Variants in HK1 observed in about 807,000 individuals in gnomAD.
The protein encoded by HK1 is hexokinase 1.
A neutral mutation model predicts 91.6 loss-of-function variants in HK1; 28 were observed. The observed-to-expected ratio is 0.31, with a 90% CI of 0.23 to 0.42. The LOEUF (loss-of-function observed/expected upper bound fraction) is 0.42. Ranked by LOEUF, HK1 falls within the 10% of genes least tolerant of loss-of-function variation. HK1 has a pLI of 1.00. For synonymous variants in HK1, 430 were observed against 468.1 expected, an observed-to-expected ratio of 0.92 and a Z score of 1.05; for missense variants, 770 against 1,219.8, an observed-to-expected ratio of 0.63 and a Z score of 5.49.
At chr10:69,388,280 A>G (rs2132917688) in intron 13 of HK1, among the ~76,000 whole-genome samples, 1 of 152,222 alleles carries the variant, frequency 6.6e-6, no homozygotes, top group South Asian at 2.1e-4. Context: ...TCTCTATAAG[A>G]AATTAAAAAA....
In HK1 at chr10:69,364,646, C is replaced by T. The variant is rs1030946883; in HGVS notation, c.376-137C>T. The T allele has an allele frequency of 5.5e-6, 6 of 1,095,116 alleles. No homozygotes were observed. The African/African-American group carries it at 7.8e-5, about 14-fold the overall frequency. The allele number at this position is 1,095,116 out of a possible 1,614,324, so 67.8% of individuals were successfully genotyped here. On this transcript the variant is annotated intron_variant, in intron 3 of 17. Coordinates refer to ENST00000359426, the MANE Select transcript of HK1 (RefSeq NM_000188.3). The stretch of plus-strand genomic sequence containing the variant: ...CAGCATGGCTTTTCAGACAGGGCCA[C>T]CAGGTCCCAGGAGTACGAGCACTTT...
upstream of HK1, among the ~76,000 whole-genome samples, chr10:69,315,564 G>A (rs1050903867): frequency 5.3e-5 from 8 of 152,168 alleles, no homozygotes; most frequent in Non-Finnish European, 8.8e-5. Flanking sequence ...AACTGTCAAG[G>A]AGCCTTAGCA....
intron 1 of HK1, among the ~76,000 whole-genome samples, chr10:69,273,076 G>A (rs1844256213): frequency 6.7e-6 from 1 of 149,016 alleles, no homozygotes; most frequent in African/African-American, 2.5e-5. Context: ...TGTCAGCCAG[G>A]CTGGAGTGCA....
At chr10:69,309,426 C>T (rs1004055367) in intron 5 of HK1, among the ~76,000 whole-genome samples, 1 of 143,982 alleles carries the variant, frequency 6.9e-6, no homozygotes, top group Non-Finnish European at 1.5e-5. Flanking sequence ...TGTGATCCGC[C>T]TGCCTCGGCC....
chr10:69,292,766 C>G (rs1845356589), intron 3 of HK1, among the ~76,000 whole-genome samples: 1 of 152,150 alleles, frequency 6.6e-6, no homozygotes, highest in South Asian at 2.1e-4. Flanking sequence ...TGCAGAGATA[C>G]CTGCAGGGGT....
chr10:69,384,984 C>T, intron 12 of HK1, 69 bp downstream of exon 12: 2 of 1,539,602 alleles, frequency 1.3e-6, no homozygotes, highest in Non-Finnish European at 1.8e-6. Context: ...GTGGGCTGGC[C>T]CTTGAGGCCT....
chr10:69,351,558 A>T (rs1443940148), intron 2 of HK1, among the ~76,000 whole-genome samples: 1 of 152,168 alleles, frequency 6.6e-6, no homozygotes, highest in Non-Finnish European at 1.5e-5. Context: ...ACCCAAAGCT[A>T]TAAGGAATCA....
At chr10:69,357,443 C>T (rs765239678) in intron 2 of HK1, among the ~76,000 whole-genome samples, 5 of 151,960 alleles carry the variant, frequency 3.3e-5, no homozygotes, top group East Asian at 1.9e-4. Context: ...GGTCATATAC[C>T]GTATGATTTC....
intron 2 of HK1, among the ~76,000 whole-genome samples, chr10:69,354,374 G>A (rs867487163): frequency 3.9e-5 from 6 of 152,192 alleles, no homozygotes; most frequent in Admixed American, 2.6e-4. Context: ...GGCTGGGGAG[G>A]CCTCAGGAAA....
In HK1 at chr10:69,341,164, C is replaced by CT. The variant is rs1344980570; in HGVS notation, c.64-2660dup. The stretch of plus-strand genomic sequence containing the variant: ...AAAAAATATATATACATATTTCTTT[C>CT]TTTCTTTTTTTTTTGGAGACTGGAT... On this transcript the variant is annotated intron_variant, in intron 1 of 17. Transcript: ENST00000359426. 5.2e-3 allele frequency among the ~76,000 whole-genome samples: 784 copies of CT among 151,682 alleles called. 3 individuals carry two copies. Among genetic ancestry groups the CT allele is most frequent in the African/African-American group, 0.018 (729 of 41,264 alleles).
chr10:69,279,203 T>C (rs1844614769), intron 1 of HK1, among the ~76,000 whole-genome samples: 1 of 152,182 alleles, frequency 6.6e-6, no homozygotes, highest in Non-Finnish European at 1.5e-5. Flanking sequence ...GGTCTCTGTG[T>C]TGTATTTCTT....
intron 2 of HK1, among the ~76,000 whole-genome samples, chr10:69,356,301 G>A (rs889042139): frequency 7.9e-5 from 12 of 151,974 alleles, no homozygotes; most frequent in African/African-American, 1.2e-4. Context: ...AGGTGTGGTC[G>A]TATGCCTGTA....
chr10:69,366,949 A>G (rs1849734849), intron 4 of HK1, among the ~76,000 whole-genome samples: 1 of 152,140 alleles, frequency 6.6e-6, no homozygotes, highest in African/African-American at 2.4e-5. Flanking sequence ...GCCCTGGGAG[A>G]GAATGGCCAG....
intron 17 of HK1, among the ~76,000 whole-genome samples, chr10:69,399,698 G>A (rs1213158988): frequency 6.6e-6 from 1 of 152,134 alleles, no homozygotes; most frequent in African/African-American, 2.4e-5. Context: ...TGCACTTGCT[G>A]TGTGATTGTG....
chr10:69,399,433 G>A (rs1285311308), intron 17 of HK1, among the ~76,000 whole-genome samples: 3 of 152,100 alleles, frequency 2.0e-5, no homozygotes, highest in Non-Finnish European at 2.9e-5. Context: ...GATTGCTTGA[G>A]CCTGGGAGGT....
At chr10:69,361,826 C>CT (rs1026023031) in intron 3 of HK1, among the ~76,000 whole-genome samples, 3 of 151,710 alleles carry the variant, frequency 2.0e-5, no homozygotes, top group African/African-American at 4.8e-5. Flanking sequence ...TTTTTTTCTT[C>CT]TTTTTTTTAA....
rs189635551 is a variant in HK1 at position 69,330,910 on chromosome 10, C to T, written c.63+11900C>T. Among the ~76,000 whole-genome samples the T allele has an allele frequency of 2.3e-3, 352 of 150,156 alleles. 4 individuals are homozygous for T. Among genetic ancestry groups the T allele is most frequent in the African/African-American group, 8.1e-3 (329 of 40,826 alleles). ...CTTTTTTTTTTTTTGAGACAGTTCT[C>T]GCTGTGTCGCCCAGGCTGGAGTGCA... is the stretch of plus-strand genomic sequence containing the variant. On this transcript the variant is annotated intron_variant, in intron 1 of 17. Transcript: ENST00000359426.
chr10:69,353,203 G>A (rs888206851), intron 2 of HK1, among the ~76,000 whole-genome samples: 2 of 152,114 alleles, frequency 1.3e-5, no homozygotes, highest in African/African-American at 2.4e-5. Flanking sequence ...CCCCCATGCC[G>A]CCTCCAGGGA....
At chr10:69,301,323 A>T (rs1845853593) in intron 5 of HK1, among the ~76,000 whole-genome samples, 1 of 151,964 alleles carries the variant, frequency 6.6e-6, no homozygotes, top group Non-Finnish European at 1.5e-5. Context: ...TAAGAAAACA[A>T]TTCCTGGCTG....
Sources: allele counts gnomAD v4.1 joint callset (sites outside exome capture counted in the v4.1 genomes callset), GRCh38; gene constraint gnomAD v4.1.1; transcripts MANE v1.5; gene names NCBI Gene and HGNC (gene_info 2026-07-23, HGNC 2026-07-21).